PCDHGA5: variants seen among roughly 807,000 people sequenced by gnomAD.
The protein encoded by PCDHGA5 is protocadherin gamma subfamily A, 5.
In PCDHGA5, 36 loss-of-function variants were observed where a neutral mutation model predicts 56.7. The observed-to-expected ratio is 0.64, with a 90% CI of 0.49 to 0.84. The LOEUF is 0.84. PCDHGA5 is among the 40% of genes least tolerant of loss of function. PCDHGA5 has a pLI of 0.00. For missense variants in PCDHGA5, 1,305 were observed against 1,201.5 expected (o/e 1.09, Z -1.27); for synonymous variants, 563 against 520.2 (o/e 1.08, Z -1.12).
chr5:141,365,362 C>T lies in PCDHGA5; in HGVS notation c.1032C>T (p.Ala344=). 6.2e-7 allele frequency: 1 copy of T among 1,613,900 alleles called. No homozygotes were observed. The highest frequency in any genetic ancestry group is 2.2e-5 in the East Asian group (1 of 44,860). Residue 344 remains alanine, a synonymous_variant, in exon 1 of 4, where the codon GCC becomes GCT. Transcript: ENST00000518069. ...CAGTACAGGACGTGAATGACAATGC[C>T]CCCGAAGTGATCCTCACCTCTCTGA... ...VVTVQDVNDN[A]PEVILTSLTS... is the part of the protein sequence containing the mutation.
intron 1 of PCDHGA5, among the ~76,000 whole-genome samples, chr5:141,444,758 T>C (rs1430492886): frequency 1.3e-5 from 2 of 152,262 alleles, no homozygotes; most frequent in East Asian, 3.8e-4. Flanking sequence ...TATGTAGTTC[T>C]ATTTCTATAT....
chr5:141,415,536 G>A (rs1561758201), intron 1 of PCDHGA5: 1 of 1,614,150 alleles, frequency 6.2e-7, no homozygotes, highest in Non-Finnish European at 8.5e-7. Flanking sequence ...TCAGCCAGGA[G>A]AGCTGTGAGA....
intron 1 of PCDHGA5, chr5:141,378,340 T>G (rs887140006): frequency 2.0e-5 from 3 of 152,166 alleles, no homozygotes; most frequent in African/African-American, 7.2e-5. Context: ...CTGACCAACA[T>G]GGTGAAACCC....
rs374253072 is a variant in PCDHGA5, at chr5:141,476,894, G to A, written c.2422-17913G>A. ...GCGCGTCCTGGAGGATGCACCCTCCGGCACGCGCGTGGTACAAGTCCTTGC... is the reference window on the plus strand; with the variant it reads ...GCGCGTCCTGGAGGATGCACCCTCCAGCACGCGCGTGGTACAAGTCCTTGC... On this transcript the variant is annotated intron_variant, in intron 1 of 3. Transcript: ENST00000518069. The surrounding 1 kb of genome is among the most constrained non-coding windows in gnomAD (Gnocchi z 7.6). 48 of 1,613,834 alleles carry A rather than the reference G, an allele frequency of 3.0e-5. No homozygotes were observed. In the African/African-American group the frequency reaches 5.6e-4, roughly 19 times the overall value.
chr5:141,399,213 T>C (rs2093770836), intron 1 of PCDHGA5: 1 of 1,613,852 alleles, frequency 6.2e-7, no homozygotes, highest in Non-Finnish European at 8.5e-7. Context: ...GAACACTAAT[T>C]GCTTTGATCA....
At chr5:141,422,721 G>A in intron 1 of PCDHGA5, 1 of 1,605,664 alleles carries the variant, frequency 6.2e-7, no homozygotes, top group East Asian at 2.2e-5. Flanking sequence ...ACACTGTCCA[G>A]GGGGTGCCTC....
rs754888812 is a variant in PCDHGA5, at chr5:141,374,393, G to T, written c.2421+7642G>T. The T allele has an allele frequency of 1.1e-5, 18 of 1,614,032 alleles. No individual in the cohort carries two copies. In the Middle Eastern group the frequency reaches 1.2e-3, roughly 104 times the overall value. ...CTGTGCTCAGAGCCCGCGGTGTCTG[G>T]TGAGTTTTAACATCCTTGTCGAGGA... On this transcript the variant is annotated intron_variant, in intron 1 of 3. Transcript: ENST00000518069.
chr5:141,380,206 G>C (rs750518608), intron 1 of PCDHGA5, among the ~76,000 whole-genome samples: 1 of 152,114 alleles, frequency 6.6e-6, no homozygotes, highest in South Asian at 2.1e-4. Flanking sequence ...GGCCTGAAAG[G>C]CATTCATTTC....
intron 1 of PCDHGA5, among the ~76,000 whole-genome samples, chr5:141,451,719 TA>T (rs2098722539): frequency 6.6e-6 from 1 of 152,016 alleles, no homozygotes; most frequent in Non-Finnish European, 1.5e-5. Flanking sequence ...CTGCCTCTAC[TA>T]AAAATACAAA....
chr5:141,412,215 C>T (rs1265657058), intron 1 of PCDHGA5: 1 of 152,240 alleles, frequency 6.6e-6, no homozygotes, highest in Non-Finnish European at 1.5e-5. Flanking sequence ...GACATAAACA[C>T]TTACTTGTTA....
Position 141,493,891 on chromosome 5 carries a change from G to A in PCDHGA5, c.2422-916G>A, listed in dbSNP as rs1595204910. On this transcript the variant is annotated intron_variant, in intron 1 of 3. Transcript: ENST00000518069. The surrounding 1 kb of genome is among the most constrained non-coding windows in gnomAD (Gnocchi z 4.3). ...CCAGTGAGGAGGTGGCTCTAGGAGT[G>A]CTCCATGAGAGTGTGTGATGGGATA... Among the ~76,000 whole-genome samples, 1 of 152,300 alleles carries A rather than the reference G, an allele frequency of 6.6e-6. No homozygotes were observed. The highest frequency in any genetic ancestry group is 1.5e-5 in the Non-Finnish European group (1 of 68,018).
intron 1 of PCDHGA5, among the ~76,000 whole-genome samples, chr5:141,400,876 T>G (rs1304937244): frequency 6.6e-6 from 1 of 152,230 alleles, no homozygotes; most frequent in East Asian, 1.9e-4. Flanking sequence ...ACCATTAAAT[T>G]TAATGTATGT....
intron 1 of PCDHGA5, among the ~76,000 whole-genome samples, chr5:141,467,823 T>A (rs1225960296): frequency 1.3e-5 from 2 of 152,012 alleles, no homozygotes; most frequent in African/African-American, 2.4e-5. Flanking sequence ...CACACCAGGC[T>A]GATTTTTATA....
At chr5:141,422,020 G>A (rs374562798) in intron 1 of PCDHGA5, 2 of 1,610,932 alleles carry the variant, frequency 1.2e-6, no homozygotes, top group Non-Finnish European at 1.7e-6. Flanking sequence ...GGTGCTGATG[G>A]TTAATGCAAC....
chr5:141,386,695 A>G (rs2090674224), intron 1 of PCDHGA5, among the ~76,000 whole-genome samples: 1 of 152,168 alleles, frequency 6.6e-6, no homozygotes, highest in Non-Finnish European at 1.5e-5. Flanking sequence ...CACTTGGGGT[A>G]GAAGACAATG....
At chr5:141,390,405 T>C in intron 1 of PCDHGA5, 1 of 1,264,524 alleles carries the variant, frequency 7.9e-7, no homozygotes, top group Non-Finnish European at 1.1e-6. Flanking sequence ...TTTAGGAAAG[T>C]TGTAGTCAGT....
intron 1 of PCDHGA5, chr5:141,398,053 A>C: frequency 2.0e-6 from 3 of 1,516,468 alleles, no homozygotes; most frequent in Non-Finnish European, 2.7e-6. Flanking sequence ...TCGGAGATCC[A>C]AAAATCTACA....
chr5:141,485,247 G>T lies in PCDHGA5; in HGVS notation c.2422-9560G>T. On this transcript the variant is annotated intron_variant, in intron 1 of 3. Coordinates refer to ENST00000518069, the MANE Select transcript of PCDHGA5 (RefSeq NM_018918.3). The surrounding 1 kb of genome is among the most constrained non-coding windows in gnomAD (Gnocchi z 5.7). ...CTTTTGTTCCTCTTTTACCACCTGG[G>T]TTACGTTTGTGGGCAGATCCGCTAC... The T allele has an allele frequency of 2.5e-6, 4 of 1,614,156 alleles. No individual in the cohort carries two copies. The highest frequency in any genetic ancestry group is 3.4e-6 in the Non-Finnish European group (4 of 1,180,010).
chr5:141,389,791 TC>T (rs754420674), intron 1 of PCDHGA5: 1 of 1,613,408 alleles, frequency 6.2e-7, no homozygotes, highest in Non-Finnish European at 8.5e-7. Context: ...AGGGACGCCG[TC>T]CGCCAGCGCC....
Sources: gnomAD v4.1 joint callset for allele counts (sites outside exome capture counted in the v4.1 genomes callset) on GRCh38, gnomAD v4.1.1 for gene constraint, Gnocchi (gnomAD v3.1) non-coding constraint, MANE v1.5 for transcripts, NCBI Gene and HGNC (gene_info 2026-07-23, HGNC 2026-07-21) for gene names.